The following RNF126 variants were observed in gnomAD, a reference collection of about 807,000 sequenced individuals.
RNF126 encodes the protein ring finger protein 126.
RNF126 carries 20 observed loss-of-function variants against 41.9 expected under a neutral mutation model. The ratio of observed to expected loss-of-function variants is 0.48; its 90% CI spans 0.34 to 0.69. The LOEUF (loss-of-function observed/expected upper bound fraction) is 0.69, where lower values mean the gene tolerates loss of function less well. RNF126 is among the 30% of genes least tolerant of loss of function. RNF126 has a pLI of 0.01. For missense variants in RNF126, 433 were observed against 460.6 expected, an observed-to-expected ratio of 0.94 and a Z score of 0.55; for synonymous variants, 239 against 202.9, an observed-to-expected ratio of 1.18 and a Z score of -1.51.
chr19:663,137 C>G lies in RNF126; in HGVS notation c.-16G>C, dbSNP rs1600647318. The G allele has an allele frequency of 2.5e-6, 3 of 1,200,724 alleles. No individual in the cohort carries two copies. In the East Asian group the frequency reaches 1.1e-4, roughly 44 times the overall value. 74.4% of individuals were successfully genotyped at this position (1,200,724 alleles called of 1,614,324 possible). A position where few individuals can be genotyped will look rare whatever the true frequency, so the allele number is the denominator to read the frequency against. ...CCTCGGCCATGGCCGCCGCCACCTACTCCGCGCCGCCCGCCCCCCGCGCGG... is the reference window on the plus strand; with the variant it reads ...CCTCGGCCATGGCCGCCGCCACCTAGTCCGCGCCGCCCGCCCCCCGCGCGG... On this transcript the variant is annotated 5_prime_UTR_variant, in exon 1 of 9. Transcript: ENST00000292363.
At position 647,570 on chromosome 19, in the gene RNF126, A is replaced by G. The variant is rs1353669539; in HGVS notation, c.*558T>C. 1.2e-5 allele frequency: 2 copies of G among 168,646 alleles called. No individual in the cohort carries two copies. Among genetic ancestry groups the G allele is most frequent in the South Asian group, 1.3e-4 (1 of 7,886 alleles). The allele number at this position is 168,646 out of a possible 1,614,324, so 10.4% of individuals were successfully genotyped here. On this transcript the variant is annotated 3_prime_UTR_variant, in exon 9 of 9. Transcript: ENST00000292363. Reference sequence around the variant, plus strand: ...ATTTTAAATAGCTTTCAAGATACACATATTTTTTCCTTTAAAAAAGTCTGT... The same window carrying G: ...ATTTTAAATAGCTTTCAAGATACACGTATTTTTTCCTTTAAAAAAGTCTGT...
rs2030704181 is a variant in RNF126, at chr19:659,488, G to A, written c.75+3559C>T. Among the ~76,000 whole-genome samples the A allele has an allele frequency of 1.3e-5, 2 of 152,140 alleles. No homozygotes were observed. The highest frequency in any genetic ancestry group is 1.3e-4 in the Admixed American group (2 of 15,284). ...GGCAGGCAGAGCTGGAACCACCCTA[G>A]GAACCACCCAGAGACGGGGAGGTCA... is the stretch of plus-strand genomic sequence containing the variant. On this transcript the variant is annotated intron_variant, in intron 1 of 8. Coordinates refer to ENST00000292363, the MANE Select transcript of RNF126 (RefSeq NM_194460.3). This position sits in a 1 kb window ranked among gnomAD's most constrained non-coding sequence, Gnocchi z 4.9.
intron 5 of RNF126, 124 bp downstream of exon 5, chr19:650,110 G>A (rs1166003956): frequency 3.7e-6 from 3 of 813,570 alleles, no homozygotes; most frequent in Admixed American, 2.6e-5. Context: ...GGCCCAGGCT[G>A]GGGATGGGGA....
chr19:649,770 C>T (rs747290550), intron 5 of RNF126, 22 bp from the exon 6 acceptor site: 6 of 1,551,916 alleles, frequency 3.9e-6, no homozygotes, highest in East Asian at 2.4e-5. Flanking sequence ...AGGTGGGGTT[C>T]AAGTGGCTGA....
In RNF126 at chr19:648,964, C is replaced by T; in HGVS notation, c.588G>A (p.Gln196=). The part of the protein sequence containing the change: ...LDAIITQLLN[Q]FENTGPPPAD... ...CCGGTGGGGGGCCTGTGTTTTCAAA[C>T]TGATTGAGGAGCTGAAAGACAAGAG... is the stretch of plus-strand genomic sequence containing the variant. The change falls in exon 7 of 9, where the codon CAG becomes CAA. Residue 196 remains glutamine, a synonymous_variant. Transcript: ENST00000292363. 2 of 1,405,792 alleles carry T rather than the reference C, an allele frequency of 1.4e-6. No individual in the cohort carries two copies. The highest frequency in any genetic ancestry group is 9.3e-7 in the Non-Finnish European group (1 of 1,077,292). 87.1% of individuals were successfully genotyped at this position (1,405,792 alleles called of 1,614,324 possible).
intron 1 of RNF126, among the ~76,000 whole-genome samples, chr19:657,106 A>G (rs1223193120): frequency 1.3e-5 from 2 of 152,114 alleles, no homozygotes; most frequent in Admixed American, 6.5e-5. Context: ...TGCCCCGACC[A>G]CCATCTCTCC....
chr19:649,579 C>G (rs2030170809), intron 6 of RNF126, 100 bp downstream of exon 6: 2 of 968,182 alleles, frequency 2.1e-6, no homozygotes, highest in African/African-American at 3.2e-5. Context: ...TCCCCTTTGA[C>G]CTTTGTGGGG....
chr19:648,886 G>A lies in RNF126; in HGVS notation c.666C>T (p.His222=), dbSNP rs370629184. 27 of 1,442,642 alleles carry A rather than the reference G, an allele frequency of 1.9e-5. No individual in the cohort carries two copies. The highest frequency in any genetic ancestry group is 4.7e-4 in the Middle Eastern group (2 of 4,220). 89.4% of individuals were successfully genotyped at this position (1,442,642 alleles called of 1,614,324 possible). ...CGGGAGGCTGAGCTCTCATACCTACGTGCTCCTCAGTGACGGGGACGGTGG... is the reference window on the plus strand; with the variant it reads ...CGGGAGGCTGAGCTCTCATACCTACATGCTCCTCAGTGACGGGGACGGTGG... ...ALPTVPVTEE[H]VGSGLECPVC... The change falls in exon 7 of 9, where the codon CAC becomes CAT. Residue 222 remains histidine, a synonymous_variant. Coordinates refer to ENST00000292363, the MANE Select transcript of RNF126 (RefSeq NM_194460.3).
chr19:659,589 C>T lies in RNF126; in HGVS notation c.75+3458G>A, dbSNP rs530253392. ...GGGGCTCAGTGCCCTCAGCAGCTCT[C>T]GCCCACACCCTACAGTCACAGCTCC... is the stretch of plus-strand genomic sequence containing the variant. On this transcript the variant is annotated intron_variant, in intron 1 of 8. Transcript: ENST00000292363. The surrounding 1 kb of genome is among the most constrained non-coding windows in gnomAD (Gnocchi z 4.9). Among the ~76,000 whole-genome samples, 1 of 152,272 alleles carries T rather than the reference C, an allele frequency of 6.6e-6. No individual in the cohort carries two copies. Among genetic ancestry groups the T allele is most frequent in the South Asian group, 2.1e-4 (1 of 4,824 alleles).
rs1356428271 is a variant in RNF126 at position 651,736 on chromosome 19, C to T, written c.318G>A (p.Arg106=). The T allele has an allele frequency of 6.2e-7, 1 of 1,612,248 alleles. No individual in the cohort carries two copies. Among genetic ancestry groups the T allele is most frequent in the South Asian group, 1.1e-5 (1 of 91,054 alleles). The change falls in exon 4 of 9, where the codon AGG becomes AGA. Residue 106 remains arginine, a synonymous_variant. Coordinates refer to ENST00000292363, the MANE Select transcript of RNF126 (RefSeq NM_194460.3). ...FPPGAQADDG[R]DPESRRERDH... is the part of the protein sequence containing the mutation. ...CTCTCTCCCGCCGGCTCTCAGGGTCCCTGCCGTCGTCAGCCTGCGCCCCAG... is the reference window on the plus strand; with the variant it reads ...CTCTCTCCCGCCGGCTCTCAGGGTCTCTGCCGTCGTCAGCCTGCGCCCCAG...
In RNF126 at chr19:652,893, G is replaced by C; in HGVS notation, c.76-9C>G. On this transcript the variant is annotated splice_polypyrimidine_tract_variant and intron_variant, in intron 1 of 8. Coordinates refer to ENST00000292363, the MANE Select transcript of RNF126 (RefSeq NM_194460.3). ...CTTGGACAGATATAATCCTGCAGGA[G>C]AGAACAGGAGGCCGGGTCACGGTGA... is the stretch of plus-strand genomic sequence containing the variant. The C allele has an allele frequency of 1.9e-6, 3 of 1,611,958 alleles. No individual in the cohort carries two copies. The highest frequency in any genetic ancestry group is 2.5e-6 in the Non-Finnish European group (3 of 1,179,228).
At chr19:649,227 G>GGGGT (rs2030142576) in intron 6 of RNF126, 1 of 258,274 alleles carries the variant, frequency 3.9e-6, no homozygotes, top group Non-Finnish European at 7.2e-6. Flanking sequence ...GAATGGGGGG[G>GGGGT]GGGGCCGCGC....
In RNF126 at chr19:661,141, G is replaced by A. The variant is rs1600644676; in HGVS notation, c.75+1906C>T. ...GCCCTCCCCAGGCCCAGTGACAGTC[G>A]GAGGAGGTCAAGGTCCTCCGTGTCC... On this transcript the variant is annotated intron_variant, in intron 1 of 8. Transcript: ENST00000292363. Among the ~76,000 whole-genome samples the A allele has an allele frequency of 3.3e-5, 5 of 152,346 alleles. No individual in the cohort carries two copies. In the South Asian group the frequency reaches 1.0e-3, roughly 32 times the overall value.
At chr19:655,377 T>G (rs1600638071) in intron 1 of RNF126, among the ~76,000 whole-genome samples, 1 of 146,834 alleles carries the variant, frequency 6.8e-6, no homozygotes, top group African/African-American at 2.5e-5. Context: ...ACGGGCAAAG[T>G]CGGGAGGCTG....
At chr19:655,670 C>T (rs2030531901) in intron 1 of RNF126, among the ~76,000 whole-genome samples, 1 of 152,132 alleles carries the variant, frequency 6.6e-6, no homozygotes. Flanking sequence ...ACCCCATGAC[C>T]CACGAGCTAG....
At chr19:652,968 G>C in intron 1 of RNF126, 84 bp from the exon 2 acceptor site, 2 of 1,292,176 alleles carry the variant, frequency 1.5e-6, no homozygotes, top group Non-Finnish European at 2.2e-6. Context: ...GAGGGGCTCC[G>C]GACCCAGCGG....
At position 649,268 on chromosome 19, in the gene RNF126, G is replaced by A. The variant is rs59145335; in HGVS notation, c.577-293C>T. ...AGTGCCCTGACGGCGGAATGGGGGG[G>A]CCGTGCTCCGGCTGGTGGGCTACTG... On this transcript the variant is annotated intron_variant, in intron 6 of 8. Coordinates refer to ENST00000292363, the MANE Select transcript of RNF126 (RefSeq NM_194460.3). 2,687 of 334,030 alleles carry A rather than the reference G, an allele frequency of 8.0e-3. 67 individuals carry two copies. The highest frequency in any genetic ancestry group is 0.05 in the African/African-American group (2,329 of 46,692). The allele number at this position is 334,030 out of a possible 1,614,324, so 20.7% of individuals were successfully genotyped here.
At chr19:654,642 CAAAAAAAAAAAAAAAAAAAA>C (rs56141012) in intron 1 of RNF126, among the ~76,000 whole-genome samples, 24 of 24,640 alleles carry the variant, frequency 9.7e-4, no homozygotes, top group Admixed American at 2.2e-3. Flanking sequence ...GACTCCGTCT[CAAAAAAAAAAAAAAAAAAAA>C]AAAAAAAAAA....
Position 651,639 on chromosome 19 carries a change from G to T in RNF126, c.415C>A (p.Arg139=). 6.7e-7 allele frequency: 1 copy of T among 1,487,578 alleles called. No individual in the cohort carries two copies. Among genetic ancestry groups the T allele is most frequent in the Non-Finnish European group, 8.9e-7 (1 of 1,120,188 alleles). 92.1% of individuals were successfully genotyped at this position (1,487,578 alleles called of 1,614,324 possible). Reference sequence around the variant, plus strand: ...TCCAGCGTGGGGACGCCTTCGTGCCGGCCGGTGGCCCGCCGCGTGGTGAGG... The same window carrying T: ...TCCAGCGTGGGGACGCCTTCGTGCCTGCCGGTGGCCCGCCGCGTGGTGAGG... ...ARLTTRRATG[R]HEGVPTLEGI... is the part of the protein sequence containing the mutation. Residue 139 remains arginine, a synonymous_variant, in exon 4 of 9, where the codon CGG becomes AGG. Coordinates refer to ENST00000292363, the MANE Select transcript of RNF126 (RefSeq NM_194460.3).
Sources: gnomAD v4.1 joint callset for allele counts (sites outside exome capture counted in the v4.1 genomes callset) on GRCh38, gnomAD v4.1.1 for gene constraint, Gnocchi (gnomAD v3.1) non-coding constraint, MANE v1.5 for transcripts, NCBI Gene and HGNC (gene_info 2026-07-23, HGNC 2026-07-21) for gene names.